AK5: variants seen among roughly 807,000 people sequenced by gnomAD.
AK5 encodes the protein adenylate kinase isoenzyme 5.
AK5 carries 27 observed loss-of-function variants against 69.5 expected under a neutral mutation model. The observed-to-expected ratio is 0.39, with a 90% CI of 0.29 to 0.54. AK5 has a LOEUF of 0.54. Ranked by LOEUF, AK5 falls within the 20% of genes least tolerant of loss-of-function variation. AK5 has a pLI of 0.71. For missense variants in AK5, 531 were observed against 700.4 expected (o/e 0.76, Z 2.73); for synonymous variants, 260 against 244.4 (o/e 1.06, Z -0.60).
intron 8 of AK5, among the ~76,000 whole-genome samples, chr1:77,476,539 A>G (rs1471186981): frequency 1.3e-5 from 2 of 152,172 alleles, no homozygotes; most frequent in African/African-American, 4.8e-5. Context: ...AAATGAATCC[A>G]TCTTCGTTTC....
At position 77,417,566 on chromosome 1, in the gene AK5, A is replaced by G. The variant is rs1031287870; in HGVS notation, c.983-73A>G. ...GTGATATAGGAAAATATGGAAACCTAGTGAGAGACTGTTTGCTTTAGAAAC... is the reference window on the plus strand; with the variant it reads ...GTGATATAGGAAAATATGGAAACCTGGTGAGAGACTGTTTGCTTTAGAAAC... On this transcript the variant is annotated intron_variant, in intron 7 of 13. Transcript: ENST00000354567. 5.7e-6 allele frequency: 5 copies of G among 881,184 alleles called. No homozygotes were observed. The African/African-American group carries it at 6.6e-5, about 12-fold the overall frequency. The allele number at this position is 881,184 out of a possible 1,614,324, so 54.6% of individuals were successfully genotyped here.
At chr1:77,504,551 A>G (rs1414946617) in intron 10 of AK5, among the ~76,000 whole-genome samples, 1 of 152,194 alleles carries the variant, frequency 6.6e-6, no homozygotes, top group Non-Finnish European at 1.5e-5. Flanking sequence ...ATTCCTGAAT[A>G]TGCCATGTCA....
intron 13 of AK5, among the ~76,000 whole-genome samples, chr1:77,552,122 A>G (rs1036401777): frequency 3.3e-5 from 5 of 152,166 alleles, no homozygotes; most frequent in African/African-American, 1.2e-4. Context: ...CATCATCCCC[A>G]GGTGCTGTCT....
intron 6 of AK5, among the ~76,000 whole-genome samples, chr1:77,394,904 A>G (rs963317480): frequency 7.2e-5 from 11 of 151,954 alleles, no homozygotes; most frequent in Non-Finnish European, 1.5e-4. Context: ...AAGTTTACCA[A>G]AAAATTAATT....
intron 8 of AK5, among the ~76,000 whole-genome samples, chr1:77,447,555 T>A (rs1238301005): frequency 1.3e-5 from 2 of 152,046 alleles, no homozygotes; most frequent in South Asian, 2.1e-4. Flanking sequence ...TGTTTTCTTT[T>A]AAAAAAAACC....
At chr1:77,499,711 A>G (rs149282590) in intron 10 of AK5, among the ~76,000 whole-genome samples, 6 of 152,078 alleles carry the variant, frequency 3.9e-5, no homozygotes, top group South Asian at 4.1e-4. Context: ...GAGAATGTTC[A>G]GCAGTGAGAA....
At position 77,293,921 on chromosome 1, in the gene AK5, G is replaced by A; in HGVS notation, c.376G>A (p.Asp126Asn). The A allele has an allele frequency of 6.2e-7, 1 of 1,613,288 alleles. No individual in the cohort carries two copies. Among genetic ancestry groups the A allele is most frequent in the East Asian group, 2.2e-5 (1 of 44,816 alleles). Reference protein sequence around the residue: ...AELIEEYEVFDPTRPRPKIIL... With the variant: ...AELIEEYEVFNPTRPRPKIIL... ...GTTGATTGAGGAGTATGAGGTTTTT[G>A]ATCCTACCAGACCTCGACCAAAAAT... Residue 126 changes from aspartate to asparagine, a missense_variant, in exon 3 of 14, where the codon GAT becomes AAT. Transcript: ENST00000354567.
intron 8 of AK5, 91 bp downstream of exon 8, chr1:77,417,806 A>C: frequency 1.4e-6 from 1 of 736,912 alleles, no homozygotes; most frequent in East Asian, 2.8e-5. Context: ...ATAAAAACTC[A>C]TTTTGTGAAA....
intron 5 of AK5, among the ~76,000 whole-genome samples, chr1:77,328,435 G>A (rs1660918083): frequency 6.6e-6 from 1 of 152,002 alleles, no homozygotes; most frequent in South Asian, 2.1e-4. Flanking sequence ...AGGAGGCGGA[G>A]GTTGCAGTGA....
At chr1:77,431,475 G>T (rs182924339) in intron 8 of AK5, among the ~76,000 whole-genome samples, 2 of 152,300 alleles carry the variant, frequency 1.3e-5, no homozygotes, top group East Asian at 3.9e-4. Context: ...ATGTGGTTCA[G>T]AAAGGCAGAG....
At chr1:77,390,402 C>T (rs994245319) in intron 6 of AK5, among the ~76,000 whole-genome samples, 13 of 152,132 alleles carry the variant, frequency 8.5e-5, no homozygotes, top group Non-Finnish European at 1.6e-4. Flanking sequence ...TAGACTACTG[C>T]ATATATGTTG....
At chr1:77,537,633 A>G (rs1659043077) in intron 13 of AK5, among the ~76,000 whole-genome samples, 1 of 152,210 alleles carries the variant, frequency 6.6e-6, no homozygotes, top group Non-Finnish European at 1.5e-5. Context: ...TGCTGTTCAC[A>G]GGATAAGAGA....
chr1:77,443,610 A>G (rs1451556987), intron 8 of AK5, among the ~76,000 whole-genome samples: 2 of 151,422 alleles, frequency 1.3e-5, no homozygotes, highest in African/African-American at 4.9e-5. Context: ...TAGAGATCCA[A>G]ATAGATTTAA....
At chr1:77,331,606 G>A (rs1661089973) in intron 5 of AK5, among the ~76,000 whole-genome samples, 1 of 151,986 alleles carries the variant, frequency 6.6e-6, no homozygotes, top group African/African-American at 2.4e-5. Flanking sequence ...TTTATATATT[G>A]ACAGATTCAT....
chr1:77,347,122 G>A (rs570799298), intron 6 of AK5, among the ~76,000 whole-genome samples: 1 of 152,260 alleles, frequency 6.6e-6, no homozygotes, highest in East Asian at 1.9e-4. Context: ...AAGGTTAATA[G>A]GAAAGGCCAT....
At chr1:77,500,258 C>T (rs1272389618) in intron 10 of AK5, among the ~76,000 whole-genome samples, 1 of 151,886 alleles carries the variant, frequency 6.6e-6, no homozygotes, top group Non-Finnish European at 1.5e-5. Context: ...ATAAATAAAA[C>T]CAAAAAAAGA....
At chr1:77,521,601 A>T (rs1338021868) in intron 11 of AK5, among the ~76,000 whole-genome samples, 1 of 152,208 alleles carries the variant, frequency 6.6e-6, no homozygotes, top group African/African-American at 2.4e-5. Flanking sequence ...AAAAACACTA[A>T]CAATTAAACT....
chr1:77,287,363 A>G (rs901244052), intron 2 of AK5, among the ~76,000 whole-genome samples: 1 of 152,204 alleles, frequency 6.6e-6, no homozygotes, highest in African/African-American at 2.4e-5. Flanking sequence ...TTTATTACTG[A>G]CTTTATTATT....
intron 6 of AK5, among the ~76,000 whole-genome samples, chr1:77,387,989 G>C (rs1341682487): frequency 6.6e-6 from 1 of 152,106 alleles, no homozygotes; most frequent in East Asian, 1.9e-4. Flanking sequence ...GGATACTTTT[G>C]TCTAACATTG....
Sources: gnomAD v4.1 joint callset for allele counts (sites outside exome capture counted in the v4.1 genomes callset) on GRCh38, gnomAD v4.1.1 for gene constraint, MANE v1.5 for transcripts, NCBI Gene and HGNC (gene_info 2026-07-23, HGNC 2026-07-21) for gene names.